The following KCNQ1 variants were observed in gnomAD, a reference collection of about 807,000 sequenced individuals.
KCNQ1 encodes the protein potassium voltage-gated channel subfamily KQT member 1.
Under a neutral mutation model 72.4 loss-of-function variants are expected in KCNQ1, and 49 were observed. The ratio of observed to expected loss-of-function variants is 0.68; its 90% CI spans 0.54 to 0.86. The LOEUF (loss-of-function observed/expected upper bound fraction) is 0.86. Among genes scored for constraint, KCNQ1 ranks in the 40% least tolerant of loss-of-function variants. KCNQ1 has a pLI of 0.00. For synonymous variants in KCNQ1, 450 were observed against 412.6 expected, an observed-to-expected ratio of 1.09 and a Z score of -1.10; for missense variants, 790 against 945.1, an observed-to-expected ratio of 0.84 and a Z score of 2.15.
At position 2,457,882 on chromosome 11, in the gene KCNQ1, G is replaced by A. The variant is rs1846219653; in HGVS notation, c.386+12398G>A. On this transcript the variant is annotated intron_variant, in intron 1 of 15. Coordinates refer to ENST00000155840, the MANE Select transcript of KCNQ1 (RefSeq NM_000218.3). The surrounding 1 kb of genome is among the most constrained non-coding windows in gnomAD (Gnocchi z 5.0). ...AAATCCTCCATCCCTGCATTTGAAT[G>A]AGGACTATCAGTATGCATCCAGGAT... 6.6e-6 allele frequency among the ~76,000 whole-genome samples: 1 copy of A among 151,672 alleles called. No homozygotes were observed. Among genetic ancestry groups the A allele is most frequent in the African/African-American group, 2.4e-5 (1 of 41,286 alleles).
intron 11 of KCNQ1, among the ~76,000 whole-genome samples, chr11:2,755,897 A>G (rs571704431): frequency 9.2e-5 from 14 of 152,386 alleles, no homozygotes; most frequent in African/African-American, 3.4e-4. Context: ...TCAGACAGAA[A>G]AATGGCCAAA....
At chr11:2,638,594 G>A (rs889939847) in intron 10 of KCNQ1, 4 of 152,120 alleles carry the variant, frequency 2.6e-5, no homozygotes, top group Non-Finnish European at 5.9e-5. Flanking sequence ...CTTTCTCTCT[G>A]GCTGCCCTTA....
At chr11:2,821,133 G>A (rs1373653175) in intron 15 of KCNQ1, among the ~76,000 whole-genome samples, 3 of 152,220 alleles carry the variant, frequency 2.0e-5, no homozygotes, top group African/African-American at 7.2e-5. Context: ...GCAGGGTGGG[G>A]TGGGTCTGTC....
At chr11:2,614,141 A>G in intron 10 of KCNQ1, 2 of 398,462 alleles carry the variant, frequency 5.0e-6, no homozygotes, top group Non-Finnish European at 8.8e-6. Context: ...TGTCTCTGAG[A>G]TACATCTACT....
chr11:2,833,342 C>G (rs1166053402), intron 15 of KCNQ1, among the ~76,000 whole-genome samples: 2 of 152,194 alleles, frequency 1.3e-5, no homozygotes, highest in Admixed American at 6.5e-5. Context: ...GAGTCCTCCC[C>G]CCACCTGCCC....
At chr11:2,638,812 C>T (rs1045654585) in intron 10 of KCNQ1, 5 of 152,224 alleles carry the variant, frequency 3.3e-5, no homozygotes, top group African/African-American at 1.2e-4. Flanking sequence ...AGAGTGTTTT[C>T]CAACTTGGTT....
chr11:2,668,703 C>G lies in KCNQ1; in HGVS notation c.1514+6622C>G. The G allele has an allele frequency of 2.5e-6, 1 of 398,614 alleles. No individual in the cohort carries two copies. Among genetic ancestry groups the G allele is most frequent in the Non-Finnish European group, 4.4e-6 (1 of 226,068 alleles). 24.7% of individuals were successfully genotyped at this position (398,614 alleles called of 1,614,324 possible). On this transcript the variant is annotated intron_variant, in intron 11 of 15. Transcript: ENST00000155840. The surrounding 1 kb of genome is among the most constrained non-coding windows in gnomAD (Gnocchi z 4.3). The stretch of plus-strand genomic sequence containing the variant: ...AGAGAGAGATACACACACTCACACT[C>G]TCTCACAGACACACACATTGCAAAT...
chr11:2,615,028 A>C, intron 10 of KCNQ1: 2 of 398,436 alleles, frequency 5.0e-6, no homozygotes, highest in Non-Finnish European at 8.9e-6. Context: ...CTGTGAACAC[A>C]GGATGTATAG....
chr11:2,582,014 TG>T (rs1848506388), intron 6 of KCNQ1, among the ~76,000 whole-genome samples: 1 of 152,146 alleles, frequency 6.6e-6, no homozygotes. Context: ...AGGGCACTAG[TG>T]GGGCAGGGGC....
intron 12 of KCNQ1, among the ~76,000 whole-genome samples, chr11:2,775,437 C>A (rs1166889812): frequency 1.3e-5 from 2 of 152,250 alleles, no homozygotes; most frequent in African/African-American, 4.8e-5. Context: ...GCCACCCCTG[C>A]TGCCTGGCAC....
At position 2,690,247 on chromosome 11, in the gene KCNQ1, G is replaced by A; in HGVS notation, c.1514+28166G>A. ...GACCTCAAGCAAGTCATTCCATGTG[G>A]CTGAGCTGCTCCTTGCTGCATCTGC... On this transcript the variant is annotated intron_variant, in intron 11 of 15. Transcript: ENST00000155840. The surrounding 1 kb of genome is among the most constrained non-coding windows in gnomAD (Gnocchi z 5.1). 2.5e-6 allele frequency: 1 copy of A among 398,790 alleles called. No individual in the cohort carries two copies. The allele number at this position is 398,790 out of a possible 1,614,324, so 24.7% of individuals were successfully genotyped here.
At chr11:2,795,487 GACAC>G (rs1847112427) in intron 15 of KCNQ1, among the ~76,000 whole-genome samples, 1 of 152,240 alleles carries the variant, frequency 6.6e-6, no homozygotes, top group East Asian at 1.9e-4. Context: ...AATTGCTAAA[GACAC>G]AGTCATGCTT....
At chr11:2,833,943 C>T (rs977282007) in intron 15 of KCNQ1, among the ~76,000 whole-genome samples, 1 of 152,236 alleles carries the variant, frequency 6.6e-6, no homozygotes, top group Non-Finnish European at 1.5e-5. Context: ...CCTGCTCCCC[C>T]ACCTCCTCAC....
chr11:2,740,809 G>A (rs575941908), intron 11 of KCNQ1, among the ~76,000 whole-genome samples: 14 of 152,240 alleles, frequency 9.2e-5, no homozygotes, highest in African/African-American at 1.2e-4. Flanking sequence ...GACTCTGTGC[G>A]TCCCCTGCGG....
intron 10 of KCNQ1, chr11:2,650,491 G>T (rs900190648): frequency 1.5e-5 from 6 of 398,484 alleles, no homozygotes; most frequent in African/African-American, 4.1e-5. Context: ...CAGAAGTGTG[G>T]TGTCTCTACA....
chr11:2,448,846 C>T lies in KCNQ1; in HGVS notation c.386+3362C>T, dbSNP rs1206589147. On this transcript the variant is annotated intron_variant, in intron 1 of 15. Transcript: ENST00000155840. ...CAGACCCGGCCCAGTGTTTCTAGATCCGCTCTTGCCAACATGTCGAGTGCC... is the reference window on the plus strand; with the variant it reads ...CAGACCCGGCCCAGTGTTTCTAGATTCGCTCTTGCCAACATGTCGAGTGCC... Among the ~76,000 whole-genome samples, 5 of 152,226 alleles carry T rather than the reference C, an allele frequency of 3.3e-5. No homozygotes were observed. In the East Asian group the frequency reaches 9.6e-4, roughly 29 times the overall value.
chr11:2,693,129 A>G, intron 11 of KCNQ1: 1 of 398,582 alleles, frequency 2.5e-6, no homozygotes, highest in Admixed American at 4.4e-5. Context: ...ACTTTCTGTC[A>G]ATCACCAGAT....
intron 11 of KCNQ1, among the ~76,000 whole-genome samples, chr11:2,739,722 G>A (rs959142921): frequency 3.3e-5 from 5 of 152,238 alleles, no homozygotes; most frequent in African/African-American, 9.6e-5. Flanking sequence ...AAGGCAGGTC[G>A]GCTGCTCCGA....
intron 15 of KCNQ1, among the ~76,000 whole-genome samples, chr11:2,832,274 G>A (rs1176187761): frequency 6.6e-6 from 1 of 152,230 alleles, no homozygotes; most frequent in South Asian, 2.1e-4. Context: ...CCTGCAAATG[G>A]AGGTACCAGA....
Sources: allele counts gnomAD v4.1 joint callset (sites outside exome capture counted in the v4.1 genomes callset), GRCh38; gene constraint gnomAD v4.1.1; non-coding constraint Gnocchi (gnomAD v3.1); transcripts MANE v1.5; gene names NCBI Gene and HGNC (gene_info 2026-07-23, HGNC 2026-07-21).